Variants in FAAP20 observed in about 807,000 individuals in gnomAD.
FAAP20 encodes Fanconi anemia core complex-associated protein 20.
FAAP20 carries 12 observed loss-of-function variants against 16.2 expected under a neutral mutation model. The observed-to-expected ratio is 0.74, with a 90% CI of 0.48 to 1.20. The LOEUF (loss-of-function observed/expected upper bound fraction) is 1.20, where lower values mean the gene tolerates loss of function less well. FAAP20 is among the 50% of genes most tolerant of loss of function. The probability of loss-of-function intolerance (pLI) is 0.00; values close to 1 mark genes in which losing one functional copy is unlikely to be tolerated. For synonymous variants in FAAP20, 141 were observed against 110.7 expected (o/e 1.27, Z -1.72); for missense variants, 288 against 245.8 (o/e 1.17, Z -1.15).
chr1:2,203,920 G>A (rs112547740), upstream of FAAP20: 1,181 of 152,690 alleles, frequency 7.7e-3, 28 homozygotes, highest in Admixed American at 0.042. Flanking sequence ...GTATGCTGCC[G>A]CCCGGTGGGG....
At chr1:2,184,676 G>A (rs1040209932), downstream of FAAP20, 7 of 1,613,566 alleles carry the variant, frequency 4.3e-6, no homozygotes, top group South Asian at 1.1e-5. Flanking sequence ...CAGCGAGCCC[G>A]TGCAGCTGAC....
chr1:2,184,666 C>T (rs778791618), downstream of FAAP20: 7 of 1,613,848 alleles, frequency 4.3e-6, no homozygotes, highest in East Asian at 2.2e-5. Context: ...CACAGTTCAC[C>T]AGCGAGCCCG....
At chr1:2,201,281 G>A, upstream of FAAP20, 1 of 1,143,774 alleles carries the variant, frequency 8.7e-7, no homozygotes, top group Non-Finnish European at 1.1e-6. Context: ...CCTCCAGAGG[G>A]TCAGGGACAC....
At chr1:2,192,746 T>C in intron 3 of FAAP20, 1 of 1,124,082 alleles carries the variant, frequency 8.9e-7, no homozygotes, top group Non-Finnish European at 1.2e-6. Context: ...CCAGAGTAGC[T>C]AGGACCACAG....
At chr1:2,185,510 G>A (rs749305596), downstream of FAAP20, 8 of 717,378 alleles carry the variant, frequency 1.1e-5, no homozygotes, top group South Asian at 1.2e-4. Flanking sequence ...GGGAGTTGAA[G>A]TACCTGTGGG....
chr1:2,199,102 C>T (rs1688940497), upstream of FAAP20: 5 of 1,189,210 alleles, frequency 4.2e-6, no homozygotes, highest in Non-Finnish European at 5.3e-6. The surrounding 1 kb of genome is among the most constrained non-coding windows in gnomAD (Gnocchi z 4.5). Flanking sequence ...ACCAGAAAGC[C>T]AGGAGCAGCT....
chr1:2,207,403 G>A (rs937167159), downstream of FAAP20, among the ~76,000 whole-genome samples: 3 of 152,220 alleles, frequency 2.0e-5, no homozygotes, highest in East Asian at 3.9e-4. Context: ...CAGTGAGCCC[G>A]CAAGGTCAGG....
intron 3 of FAAP20, 150 bp downstream of exon 3, chr1:2,193,489 A>G (rs1688483409): frequency 2.4e-6 from 3 of 1,255,490 alleles, no homozygotes; most frequent in Non-Finnish European, 3.2e-6. Context: ...CCACCTGGAC[A>G]TGCCAGGCCA....
upstream of FAAP20, chr1:2,198,354 C>T (rs558161971): frequency 5.5e-4 from 222 of 407,052 alleles, no homozygotes; most frequent in African/African-American, 4.2e-3. Context: ...GGCCCCTTAC[C>T]CTCTGTGGCA....
chr1:2,198,327 A>C (rs765056697), upstream of FAAP20: 4 of 489,386 alleles, frequency 8.2e-6, no homozygotes, highest in African/African-American at 4.1e-5. Flanking sequence ...CCGCACCTGC[A>C]GACCGGTGGG....
At chr1:2,187,196 T>C, downstream of FAAP20, 1 of 471,268 alleles carries the variant, frequency 2.1e-6, no homozygotes, top group South Asian at 1.6e-5. Context: ...GTCTTGCACA[T>C]CCATGAAAGA....
At position 2,189,689 on chromosome 1, in the gene FAAP20, G is replaced by T; in HGVS notation, c.*20C>A. On this transcript the variant is annotated 3_prime_UTR_variant, in exon 4 of 4. Transcript: ENST00000378546. Reference sequence around the variant, plus strand: ...AGCGTGTCCGGGCGCCGCACTCTGCGCAGGGCTCTTGGATGGCGCTCACCA... The same window carrying T: ...AGCGTGTCCGGGCGCCGCACTCTGCTCAGGGCTCTTGGATGGCGCTCACCA... 1 of 1,610,372 alleles carries T rather than the reference G, an allele frequency of 6.2e-7. No individual in the cohort carries two copies. The highest frequency in any genetic ancestry group is 1.3e-5 in the African/African-American group (1 of 75,010).
downstream of FAAP20, among the ~76,000 whole-genome samples, chr1:2,209,869 G>C (rs1044402552): frequency 2.0e-5 from 3 of 152,182 alleles, no homozygotes; most frequent in African/African-American, 4.8e-5. Context: ...AGAGCTTGTC[G>C]GAGGAGGCGC....
At chr1:2,184,788 C>T (rs1687315406), downstream of FAAP20, 2 of 1,417,058 alleles carry the variant, frequency 1.4e-6, no homozygotes, top group Admixed American at 2.0e-5. Flanking sequence ...CCCAGCCTGC[C>T]CTTGAGTCCC....
upstream of FAAP20, among the ~76,000 whole-genome samples, chr1:2,202,668 A>AT (rs781649287): frequency 1.1e-4 from 16 of 151,278 alleles, no homozygotes; most frequent in Non-Finnish European, 2.1e-4. Flanking sequence ...ACGGGATGGG[A>AT]TTTTGCCATG....
At chr1:2,202,651 T>A (rs1160879761), upstream of FAAP20, among the ~76,000 whole-genome samples, 1 of 152,042 alleles carries the variant, frequency 6.6e-6, no homozygotes, top group Non-Finnish European at 1.5e-5. Context: ...TGTTTTGTTT[T>A]GTAGAGACGG....
downstream of FAAP20, among the ~76,000 whole-genome samples, chr1:2,211,422 TATATATATATATA>T (rs1371478912): frequency 3.4e-4 from 10 of 29,078 alleles, no homozygotes; most frequent in African/African-American, 2.2e-3. Context: ...TATATATATA[TATATATATATATA>T]TTTTTTTTTT....
At chr1:2,190,873 G>A (rs967966592) in intron 3 of FAAP20, 2 of 177,546 alleles carry the variant, frequency 1.1e-5, no homozygotes, top group Admixed American at 5.5e-5. Context: ...ACGGCGCGCC[G>A]TTTTACCCTT....
intron 3 of FAAP20, chr1:2,190,272 C>T (rs749195205): frequency 2.2e-6 from 1 of 456,778 alleles, no homozygotes; most frequent in African/African-American, 2.0e-5. Flanking sequence ...AGCCTCACCA[C>T]GGAGAAGGAC....
Sources: allele counts gnomAD v4.1 joint callset (sites outside exome capture counted in the v4.1 genomes callset), GRCh38; gene constraint gnomAD v4.1.1; non-coding constraint Gnocchi (gnomAD v3.1); transcripts MANE v1.5; gene names NCBI Gene and HGNC (gene_info 2026-07-23, HGNC 2026-07-21).